DAB1: variants seen among roughly 807,000 people sequenced by gnomAD.
DAB1 encodes disabled homolog 1.
In DAB1, 15 loss-of-function variants were observed where a neutral mutation model predicts 64.6. That is an observed-to-expected ratio of 0.23 (90% confidence interval 0.16 to 0.36). The LOEUF is 0.36. DAB1 is among the 10% of genes least tolerant of loss of function. The pLI is 1.00. For missense variants in DAB1, 596 were observed against 706.7 expected, an observed-to-expected ratio of 0.84 and a Z score of 1.78; for synonymous variants, 235 against 251.9, an observed-to-expected ratio of 0.93 and a Z score of 0.64.
At chr1:57,104,211 C>T (rs764254369) in intron 4 of DAB1, among the ~76,000 whole-genome samples, 12 of 152,136 alleles carry the variant, frequency 7.9e-5, no homozygotes, top group Non-Finnish European at 1.3e-4. Flanking sequence ...TGTGCTGCAA[C>T]ATCCAAGTGT....
intron 3 of DAB1, among the ~76,000 whole-genome samples, chr1:58,453,109 G>A (rs903481034): frequency 1.3e-5 from 2 of 152,186 alleles, no homozygotes; most frequent in Non-Finnish European, 2.9e-5. Flanking sequence ...CAAAGGCATC[G>A]TGCTGAGTGA....
chr1:57,108,144 T>C (rs1187118499), intron 4 of DAB1, among the ~76,000 whole-genome samples: 1 of 152,170 alleles, frequency 6.6e-6, no homozygotes, highest in African/African-American at 2.4e-5. Context: ...CAATCAAGGC[T>C]GTAGGGTAAA....
At chr1:57,832,789 G>A (rs1224232920) in intron 1 of DAB1, among the ~76,000 whole-genome samples, 2 of 152,194 alleles carry the variant, frequency 1.3e-5, no homozygotes, top group African/African-American at 4.8e-5. Flanking sequence ...TCAAAGGACT[G>A]AAGTGGATTG....
chr1:57,369,465 C>T (rs1373444412), intron 1 of DAB1, among the ~76,000 whole-genome samples: 1 of 152,090 alleles, frequency 6.6e-6, no homozygotes, highest in Admixed American at 6.5e-5. Context: ...TTTGCCTTTC[C>T]ACCATGAATA....
intron 4 of DAB1, among the ~76,000 whole-genome samples, chr1:57,091,206 C>T (rs559871): frequency 0.51 from 77,633 of 151,672 alleles, 20,486 homozygotes; most frequent in South Asian, 0.64. Flanking sequence ...AACTGGTCTC[C>T]GGTGTCAAAA....
chr1:57,680,938 C>T (rs1409751336), intron 6 of DAB1, among the ~76,000 whole-genome samples: 2 of 152,188 alleles, frequency 1.3e-5, no homozygotes, highest in Admixed American at 6.5e-5. Context: ...ACATCAGTAT[C>T]TCTGAATGGA....
In DAB1 at chr1:57,002,372, G is replaced by A. The variant is rs547219730; in HGVS notation, c.*16-4244C>T. Among the ~76,000 whole-genome samples the A allele has an allele frequency of 2.0e-5, 3 of 152,258 alleles. No homozygotes were observed. In the South Asian group the frequency reaches 6.2e-4, roughly 32 times the overall value. Reference sequence around the variant, plus strand: ...TCAGCGCAGAGGGAGGAGCAATGAGGCATCTCTGAAAGAGGGTGTTAGAAA... The same window carrying A: ...TCAGCGCAGAGGGAGGAGCAATGAGACATCTCTGAAAGAGGGTGTTAGAAA... On this transcript the variant is annotated intron_variant, in intron 14 of 14. Transcript: ENST00000371236.
chr1:58,229,141 T>A (rs1401190096), intron 4 of DAB1: 1 of 167,134 alleles, frequency 6.0e-6, no homozygotes, highest in Non-Finnish European at 1.3e-5. Context: ...TATTACTCTT[T>A]TTTTTCTTTT....
At position 57,015,077 on chromosome 1, in the gene DAB1, T is replaced by C; in HGVS notation, c.1250A>G (p.Asp417Gly). Residue 417 changes from aspartate to glycine, a missense_variant, in exon 12 of 15, where the codon GAT (aspartate) becomes GGT (glycine). This residue lies in a region of DAB1 where 377 missense variants were observed against 400.4 expected (regional missense o/e 0.94). Transcript: ENST00000371236. ...RQKMGKETFK[D>G]FQMAQPPPVP... Reference sequence around the variant, plus strand: ...GGGCGGAGGCTGGGCCATCTGGAAATCCTTAAACGTTTCTTTGCCCATTTT... The same window carrying C: ...GGGCGGAGGCTGGGCCATCTGGAAACCCTTAAACGTTTCTTTGCCCATTTT... The C allele has an allele frequency of 6.2e-7, 1 of 1,614,130 alleles. No individual in the cohort carries two copies. The highest frequency in any genetic ancestry group is 8.5e-7 in the Non-Finnish European group (1 of 1,180,022).
chr1:57,720,841 A>G (rs1014220854), intron 6 of DAB1, among the ~76,000 whole-genome samples: 2 of 152,020 alleles, frequency 1.3e-5, no homozygotes, highest in African/African-American at 4.8e-5. Context: ...GAGGTTTTAA[A>G]TATTTAAAGG....
At chr1:57,825,353 G>A (rs1486340147), downstream of DAB1, among the ~76,000 whole-genome samples, 4 of 152,164 alleles carry the variant, frequency 2.6e-5, no homozygotes, top group Admixed American at 6.5e-5. Flanking sequence ...GACCCTTCAG[G>A]ATAGTTACTT....
intron 3 of DAB1, among the ~76,000 whole-genome samples, chr1:58,460,575 T>G (rs113371423): frequency 3.3e-5 from 5 of 152,176 alleles, no homozygotes; most frequent in Non-Finnish European, 7.3e-5. Flanking sequence ...ACTGAACACT[T>G]ACTATGTCAT....
chr1:58,295,080 G>C (rs922375936), intron 4 of DAB1, among the ~76,000 whole-genome samples: 14 of 152,012 alleles, frequency 9.2e-5, no homozygotes, highest in Admixed American at 3.9e-4. Flanking sequence ...CCACATGTTG[G>C]TGGCTTAGGT....
intron 4 of DAB1, among the ~76,000 whole-genome samples, chr1:58,164,284 C>T (rs914799807): frequency 1.3e-5 from 2 of 151,320 alleles, no homozygotes; most frequent in African/African-American, 4.9e-5. Context: ...GGCTTTACAT[C>T]ACATCTCCAA....
At chr1:57,275,394 A>G (rs1671378778) in intron 2 of DAB1, among the ~76,000 whole-genome samples, 1 of 152,216 alleles carries the variant, frequency 6.6e-6, no homozygotes, top group South Asian at 2.1e-4. Context: ...GAGAATATAA[A>G]TCTACCAAGA....
At chr1:58,344,878 A>ACT (rs1643979147) in intron 3 of DAB1, among the ~76,000 whole-genome samples, 2 of 31,766 alleles carry the variant, frequency 6.3e-5, no homozygotes, top group African/African-American at 2.8e-4. Context: ...GAATACTCAA[A>ACT]ATATTATTCT....
chr1:58,246,887 AGG>A (rs1246855985), intron 4 of DAB1, among the ~76,000 whole-genome samples: 2 of 151,494 alleles, frequency 1.3e-5, no homozygotes, highest in Non-Finnish European at 2.9e-5. Context: ...TGTGGGTGTG[AGG>A]GTAGTGTGTG....
At chr1:58,499,398 T>C (rs1352437056) in intron 3 of DAB1, among the ~76,000 whole-genome samples, 2 of 149,608 alleles carry the variant, frequency 1.3e-5, no homozygotes, top group East Asian at 3.9e-4. Context: ...AGTGGGAAAA[T>C]TGCTTTAGCC....
At chr1:57,547,967 G>A (rs920272618) in intron 7 of DAB1, among the ~76,000 whole-genome samples, 24 of 152,130 alleles carry the variant, frequency 1.6e-4, no homozygotes, top group African/African-American at 5.6e-4. Context: ...AGACACTATT[G>A]AGTGAATGAA....
Sources: gnomAD v4.1 joint callset for allele counts (sites outside exome capture counted in the v4.1 genomes callset) on GRCh38, gnomAD v4.1.1 for gene constraint, gnomAD v4.1.1 regional missense constraint, MANE v1.5 for transcripts, NCBI Gene and HGNC (gene_info 2026-07-23, HGNC 2026-07-21) for gene names.